Variants in THSD7B observed in about 807,000 individuals in gnomAD.
THSD7B encodes the protein thrombospondin type 1 domain containing 7B, also known as thrombospondin type-1 domain-containing protein 7B.
A neutral mutation model predicts 213.6 loss-of-function variants in THSD7B; 138 were observed. The observed-to-expected ratio is 0.65, with a 90% CI of 0.56 to 0.74. The LOEUF (loss-of-function observed/expected upper bound fraction) is 0.74. Among genes scored for constraint, THSD7B ranks in the 30% least tolerant of loss-of-function variants. The pLI is 0.00. For missense variants in THSD7B, 1,931 were observed against 1,991.5 expected, an observed-to-expected ratio of 0.97 and a Z score of 0.58; for synonymous variants, 742 against 687.0, an observed-to-expected ratio of 1.08 and a Z score of -1.25.
intron 1 of THSD7B, among the ~76,000 whole-genome samples, chr2:136,765,902 G>A (rs1681380682): frequency 6.6e-6 from 1 of 152,256 alleles, no homozygotes; most frequent in African/African-American, 2.4e-5. Flanking sequence ...GCTGCGGGAA[G>A]CGTGGGCTGC....
At chr2:137,607,883 C>T (rs889802235) in intron 17 of THSD7B, among the ~76,000 whole-genome samples, 2 of 152,148 alleles carry the variant, frequency 1.3e-5, no homozygotes, top group Non-Finnish European at 2.9e-5. Context: ...GTGAGGATGT[C>T]CCTGCCTATT....
At chr2:137,016,953 A>G (rs1573769104) in intron 2 of THSD7B, among the ~76,000 whole-genome samples, 1 of 152,284 alleles carries the variant, frequency 6.6e-6, no homozygotes, top group East Asian at 1.9e-4. Flanking sequence ...ACAGTTTTCC[A>G]AATATAATAC....
At chr2:136,789,946 C>A (rs1681932510) in intron 1 of THSD7B, among the ~76,000 whole-genome samples, 1 of 152,158 alleles carries the variant, frequency 6.6e-6, no homozygotes, top group Admixed American at 6.5e-5. Flanking sequence ...AAAGATGGAG[C>A]CCTCTGTAGA....
At chr2:136,868,120 G>GCA (rs10671218) in intron 1 of THSD7B, among the ~76,000 whole-genome samples, 11,996 of 149,178 alleles carry the variant, frequency 0.08, 934 homozygotes, top group African/African-American at 0.2. Flanking sequence ...ACACGCGCGC[G>GCA]CACACACACA....
chr2:137,588,643 T>C (rs1681796119), intron 17 of THSD7B, among the ~76,000 whole-genome samples: 1 of 152,096 alleles, frequency 6.6e-6, no homozygotes, highest in Non-Finnish European at 1.5e-5. Context: ...TTAGCTCATA[T>C]AGTCTCATGT....
At chr2:137,148,238 T>C (rs979685971) in intron 5 of THSD7B, among the ~76,000 whole-genome samples, 7 of 152,106 alleles carry the variant, frequency 4.6e-5, no homozygotes, top group Non-Finnish European at 1.5e-5. Context: ...CGTGTTTGCT[T>C]CCCCTTCCAC....
chr2:136,916,238 G>A (rs1233232766), intron 2 of THSD7B, among the ~76,000 whole-genome samples: 2 of 152,172 alleles, frequency 1.3e-5, no homozygotes. Flanking sequence ...TGTGGTCTGT[G>A]GGGAATTGGG....
intron 2 of THSD7B, among the ~76,000 whole-genome samples, chr2:137,026,183 A>G (rs1157990269): frequency 6.6e-6 from 1 of 152,190 alleles, no homozygotes; most frequent in Non-Finnish European, 1.5e-5. Context: ...TGAGAAACAC[A>G]CACACTCAGC....
intron 1 of THSD7B, among the ~76,000 whole-genome samples, chr2:136,793,655 T>C (rs1267407024): frequency 6.6e-6 from 1 of 152,008 alleles, no homozygotes; most frequent in Non-Finnish European, 1.5e-5. Context: ...TCTCTTTATA[T>C]ATTGCTGCAT....
chr2:137,154,049 G>T (rs1679865141), intron 5 of THSD7B, among the ~76,000 whole-genome samples: 1 of 152,110 alleles, frequency 6.6e-6, no homozygotes, highest in Non-Finnish European at 1.5e-5. Context: ...CTTCTTTGAG[G>T]AGGTTGATGT....
chr2:136,765,716 C>T (rs1311434893), intron 1 of THSD7B, 29 bp downstream of exon 1: 1 of 152,224 alleles, frequency 6.6e-6, no homozygotes, highest in Non-Finnish European at 1.5e-5. Flanking sequence ...AGCCCCGAGT[C>T]GGGGATGCCG....
At chr2:136,769,324 G>A (rs1227835445) in intron 1 of THSD7B, among the ~76,000 whole-genome samples, 3 of 152,264 alleles carry the variant, frequency 2.0e-5, no homozygotes, top group South Asian at 2.1e-4. Flanking sequence ...ATATAGAGAC[G>A]TAGTTATTTT....
intron 5 of THSD7B, among the ~76,000 whole-genome samples, chr2:137,155,279 T>C (rs1051445367): frequency 4.6e-5 from 7 of 152,176 alleles, no homozygotes; most frequent in African/African-American, 1.7e-4. Flanking sequence ...ATTGCTTACC[T>C]AGTCTGGCAG....
chr2:137,300,066 A>ATT (rs1683564135), intron 12 of THSD7B, among the ~76,000 whole-genome samples: 1 of 152,118 alleles, frequency 6.6e-6, no homozygotes, highest in South Asian at 2.1e-4. Flanking sequence ...GTGAAGGTTG[A>ATT]TTATGATTTC....
chr2:136,993,808 C>G (rs1685830721), intron 2 of THSD7B, among the ~76,000 whole-genome samples: 1 of 151,574 alleles, frequency 6.6e-6, no homozygotes, highest in Non-Finnish European at 1.5e-5. Flanking sequence ...TGACCCATGG[C>G]CAAAGGTGGG....
chr2:137,048,791 C>T (rs974638367), intron 2 of THSD7B, among the ~76,000 whole-genome samples: 1 of 152,154 alleles, frequency 6.6e-6, no homozygotes, highest in Non-Finnish European at 1.5e-5. Context: ...ATCAGGGACG[C>T]AGCTTAAAAT....
chr2:137,191,656 C>T (rs1457842168), intron 7 of THSD7B, among the ~76,000 whole-genome samples: 2 of 152,066 alleles, frequency 1.3e-5, no homozygotes, highest in Non-Finnish European at 2.9e-5. Context: ...TGCCCACCGT[C>T]CTGCACTCAG....
intron 2 of THSD7B, among the ~76,000 whole-genome samples, chr2:137,013,958 A>G (rs1686286543): frequency 6.6e-6 from 1 of 152,216 alleles, no homozygotes; most frequent in South Asian, 2.1e-4. Flanking sequence ...TGGCAGATAT[A>G]AAACAGGTGG....
chr2:137,421,883 T>C (rs186456005), intron 14 of THSD7B, among the ~76,000 whole-genome samples: 2 of 152,328 alleles, frequency 1.3e-5, no homozygotes, highest in Admixed American at 6.5e-5. Context: ...TGAACACCAA[T>C]ATAAATCGTA....
Sources: allele counts gnomAD v4.1 joint callset (sites outside exome capture counted in the v4.1 genomes callset), GRCh38; gene constraint gnomAD v4.1.1; transcripts MANE v1.5; gene names NCBI Gene and HGNC (gene_info 2026-07-23, HGNC 2026-07-21).